Variants in EEF1AKMT1 observed in about 807,000 individuals in gnomAD.
EEF1AKMT1 encodes EEF1A lysine methyltransferase 1.
A neutral mutation model predicts 21.0 loss-of-function variants in EEF1AKMT1; 18 were observed. That is an observed-to-expected ratio of 0.86 (90% CI 0.59 to 1.27). EEF1AKMT1 has a LOEUF of 1.27. Ranked by LOEUF, EEF1AKMT1 falls within the 50% of genes most tolerant of loss-of-function variation. EEF1AKMT1 has a pLI of 0.00. For synonymous variants in EEF1AKMT1, 109 were observed against 94.8 expected, an observed-to-expected ratio of 1.15 and a Z score of -0.87; for missense variants, 246 against 258.6, an observed-to-expected ratio of 0.95 and a Z score of 0.33.
At chr13:20,729,528 CAT>C (rs2058779839) in intron 4 of EEF1AKMT1, among the ~76,000 whole-genome samples, 1 of 152,056 alleles carries the variant, frequency 6.6e-6, no homozygotes, top group African/African-American at 2.4e-5. Context: ...TATATACACA[CAT>C]ATGGAAAGCA....
At chr13:20,732,309 A>C (rs894341859) in intron 3 of EEF1AKMT1, among the ~76,000 whole-genome samples, 188 bp from the exon 4 acceptor site, 3 of 152,204 alleles carry the variant, frequency 2.0e-5, no homozygotes, top group Admixed American at 6.5e-5. Flanking sequence ...GGAATCTGGT[A>C]CTTAAAAGTC....
At chr13:20,756,412 A>C (rs2058971907) in intron 2 of EEF1AKMT1, among the ~76,000 whole-genome samples, 2 of 152,220 alleles carry the variant, frequency 1.3e-5, no homozygotes, top group African/African-American at 4.8e-5. Context: ...ATCTTCTTTA[A>C]ATTTCCTTCT....
chr13:20,768,290 C>A (rs1400416079), intron 1 of EEF1AKMT1, among the ~76,000 whole-genome samples: 1 of 152,184 alleles, frequency 6.6e-6, no homozygotes, highest in Non-Finnish European at 1.5e-5. Context: ...TTTCAGGTCT[C>A]ATTTTTAAGA....
Position 20,737,869 on chromosome 13 carries a change from T to C in EEF1AKMT1, c.145-64A>G, listed in dbSNP as rs980485031. On this transcript the variant is annotated intron_variant, in intron 2 of 4. Transcript: ENST00000382758. ...GCATAAGCTTTGTTCTTTTAATTTA[T>C]ATATAATCTATACCAGTGGACAGAT... 4.5e-6 allele frequency: 5 copies of C among 1,110,408 alleles called. No individual in the cohort carries two copies. The African/African-American group carries it at 4.7e-5, about 10-fold the overall frequency. The allele number at this position is 1,110,408 out of a possible 1,614,324, so 68.8% of individuals were successfully genotyped here.
intron 4 of EEF1AKMT1, among the ~76,000 whole-genome samples, chr13:20,730,383 GC>G (rs1263888770): frequency 1.3e-5 from 2 of 152,232 alleles, no homozygotes; most frequent in Non-Finnish European, 2.9e-5. Flanking sequence ...CCAGCAGGGT[GC>G]CCAGGGGACA....
chr13:20,746,168 T>C (rs1319214990), intron 2 of EEF1AKMT1, among the ~76,000 whole-genome samples: 1 of 152,158 alleles, frequency 6.6e-6, no homozygotes, highest in African/African-American at 2.4e-5. Flanking sequence ...ATTTTTTTTT[T>C]TTAGACAGAG....
Position 20,729,088 on chromosome 13 carries a change from C to T in EEF1AKMT1, c.637G>A (p.Gly213Arg). The T allele has an allele frequency of 1.2e-6, 2 of 1,614,156 alleles. No homozygotes were observed. The highest frequency in any genetic ancestry group is 1.7e-6 in the Non-Finnish European group (2 of 1,180,022). The change falls in exon 5 of 5, where the codon GGG (glycine) becomes AGG (arginine). Residue 213 changes from glycine (G) to arginine (R), a missense_variant. By Grantham distance (125) the Gly-to-Arg change is moderately radical (BLOSUM62 -2). Transcript: ENST00000382758. Reference protein sequence around the residue: ...YVNYDSGLDCGI With the variant: ...YVNYDSGLDCRI ...TATGTCACCGTCTGTAATCAGATCCCACAGTCCAGCCCAGAATCATAATTC... is the reference window on the plus strand; with the variant it reads ...TATGTCACCGTCTGTAATCAGATCCTACAGTCCAGCCCAGAATCATAATTC...
At position 20,733,970 on chromosome 13, in the gene EEF1AKMT1, C is replaced by T. The variant is rs374581299; in HGVS notation, c.228-1849G>A. Among the ~76,000 whole-genome samples, 177 of 152,276 alleles carry T rather than the reference C, an allele frequency of 1.2e-3. 4 individuals are homozygous for T. In the South Asian group the frequency reaches 0.033, roughly 29 times the overall value. ...AGACACTGCAACAGATAATAGAACC[C>T]GTGACATCGCATAATGTTTCTTTGG... is the stretch of plus-strand genomic sequence containing the variant. On this transcript the variant is annotated intron_variant, in intron 3 of 4. Coordinates refer to ENST00000382758, the MANE Select transcript of EEF1AKMT1 (RefSeq NM_001318939.2).
intron 2 of EEF1AKMT1, chr13:20,748,177 C>T (rs2058918052): frequency 6.5e-6 from 1 of 152,742 alleles, no homozygotes; most frequent in African/African-American, 2.4e-5. Flanking sequence ...TGGCTCACGC[C>T]TGTAATCCCA....
chr13:20,737,664 C>A, intron 3 of EEF1AKMT1, 59 bp downstream of exon 3: 1 of 1,369,168 alleles, frequency 7.3e-7, no homozygotes, highest in Non-Finnish European at 1.0e-6. Context: ...CATCTGTCAT[C>A]CAGGAAAGAC....
At chr13:20,745,879 C>G (rs2058901230) in intron 2 of EEF1AKMT1, among the ~76,000 whole-genome samples, 1 of 151,952 alleles carries the variant, frequency 6.6e-6, no homozygotes, top group African/African-American at 2.4e-5. Flanking sequence ...AAAAATAAAA[C>G]AAGATGGCAT....
chr13:20,751,130 C>T (rs2058937951), intron 2 of EEF1AKMT1, among the ~76,000 whole-genome samples: 1 of 152,154 alleles, frequency 6.6e-6, no homozygotes, highest in African/African-American at 2.4e-5. Flanking sequence ...AATGGGTTGC[C>T]TCTCCATTCT....
At chr13:20,772,226 G>A (rs1269608653) in intron 1 of EEF1AKMT1, among the ~76,000 whole-genome samples, 9 of 151,978 alleles carry the variant, frequency 5.9e-5, no homozygotes, top group Non-Finnish European at 1.3e-4. Context: ...CCCACAAGTG[G>A]CAGTAAAAAA....
intron 4 of EEF1AKMT1, 131 bp from the exon 5 acceptor site, chr13:20,729,347 G>A: frequency 9.9e-7 from 1 of 1,009,278 alleles, no homozygotes. Context: ...TGGGGGGAGG[G>A]AGCGAGTGTT....
intron 1 of EEF1AKMT1, among the ~76,000 whole-genome samples, chr13:20,772,532 A>T (rs552837278): frequency 1.3e-5 from 2 of 152,296 alleles, no homozygotes; most frequent in South Asian, 4.1e-4. Context: ...GCAGTTGAGA[A>T]ATTCTAGGTT....
chr13:20,771,781 C>T (rs994581545), intron 1 of EEF1AKMT1, among the ~76,000 whole-genome samples: 44 of 152,244 alleles, frequency 2.9e-4, no homozygotes, highest in African/African-American at 6.0e-4. Context: ...GAGATCGAGG[C>T]GGGCAGATCA....
chr13:20,748,504 C>G (rs2141424921), intron 2 of EEF1AKMT1, among the ~76,000 whole-genome samples: 1 of 151,992 alleles, frequency 6.6e-6, no homozygotes, highest in Admixed American at 6.5e-5. Context: ...TCCCATGACC[C>G]CCTGCCATTG....
In EEF1AKMT1 at chr13:20,737,706, G is replaced by A; in HGVS notation, c.227+17C>T. Reference sequence around the variant, plus strand: ...AATATTACATTAGATGCCAAAAAGAGAAAATTTGAATCTCACCTGCCACCT... The same window carrying A: ...AATATTACATTAGATGCCAAAAAGAAAAAATTTGAATCTCACCTGCCACCT... On this transcript the variant is annotated intron_variant, in intron 3 of 4. Transcript: ENST00000382758. 3 of 1,605,580 alleles carry A rather than the reference G, an allele frequency of 1.9e-6. No individual in the cohort carries two copies. The highest frequency in any genetic ancestry group is 2.6e-6 in the Non-Finnish European group (3 of 1,174,806).
At chr13:20,731,752 A>G in intron 4 of EEF1AKMT1, 89 bp downstream of exon 4, 1 of 1,316,202 alleles carries the variant, frequency 7.6e-7, no homozygotes. Context: ...GTCACACAGG[A>G]AGTGGTGGAC....
Sources: allele counts gnomAD v4.1 joint callset (sites outside exome capture counted in the v4.1 genomes callset), GRCh38; gene constraint gnomAD v4.1.1; transcripts MANE v1.5; gene names NCBI Gene and HGNC (gene_info 2026-07-23, HGNC 2026-07-21).